LAMA2: variants seen among roughly 807,000 people sequenced by gnomAD.
The protein encoded by LAMA2 is laminin subunit alpha-2.
In LAMA2, 269 loss-of-function variants were observed where a neutral mutation model predicts 364.8. The observed-to-expected ratio is 0.74, with a 90% CI of 0.67 to 0.82. The LOEUF (loss-of-function observed/expected upper bound fraction) is 0.82, where lower values mean the gene tolerates loss of function less well. LAMA2 is among the 40% of genes least tolerant of loss of function. LAMA2 has a pLI of 0.00. For synonymous variants in LAMA2, 1,379 were observed against 1,370.6 expected (o/e 1.01, Z -0.14); for missense variants, 3,807 against 3,873.2 (o/e 0.98, Z 0.45).
At chr6:129,200,478 A>G (rs566889433) in intron 12 of LAMA2, among the ~76,000 whole-genome samples, 3 of 150,690 alleles carry the variant, frequency 2.0e-5, no homozygotes, top group Non-Finnish European at 4.4e-5. Context: ...ATATACATGT[A>G]TATATATGTG....
At chr6:129,333,179 A>G (rs1258940869) in intron 29 of LAMA2, among the ~76,000 whole-genome samples, 1 of 152,144 alleles carries the variant, frequency 6.6e-6, no homozygotes, top group East Asian at 1.9e-4. Flanking sequence ...GGCATGAACC[A>G]CCAAACCTGG....
At chr6:129,174,997 C>G (rs1380874403) in intron 9 of LAMA2, among the ~76,000 whole-genome samples, 1 of 152,088 alleles carries the variant, frequency 6.6e-6, no homozygotes, top group Non-Finnish European at 1.5e-5. Flanking sequence ...TACATTTAGC[C>G]TCAATTTCTG....
chr6:129,251,763 G>A (rs141180147), intron 13 of LAMA2, among the ~76,000 whole-genome samples: 2 of 151,942 alleles, frequency 1.3e-5, no homozygotes, highest in East Asian at 1.9e-4. Flanking sequence ...CAAAACCCCC[G>A]CCTCTTCTAC....
intron 29 of LAMA2, among the ~76,000 whole-genome samples, chr6:129,335,689 T>G (rs1775918082): frequency 6.6e-6 from 1 of 152,192 alleles, no homozygotes; most frequent in Admixed American, 6.6e-5. Flanking sequence ...TATTTTTTGT[T>G]TTGTAAACCT....
chr6:129,193,532 C>T (rs1326561143), intron 12 of LAMA2, among the ~76,000 whole-genome samples: 1 of 152,086 alleles, frequency 6.6e-6, no homozygotes, highest in African/African-American at 2.4e-5. Context: ...GATAGATATC[C>T]TGGGGTTTAG....
chr6:128,972,806 A>G (rs1782268722), intron 1 of LAMA2, among the ~76,000 whole-genome samples: 1 of 152,210 alleles, frequency 6.6e-6, no homozygotes, highest in Admixed American at 6.5e-5. Context: ...AGTAAAATAT[A>G]TTAGTAATAA....
chr6:128,895,854 A>T (rs1776740000), intron 1 of LAMA2, among the ~76,000 whole-genome samples: 1 of 152,132 alleles, frequency 6.6e-6, no homozygotes, highest in Non-Finnish European at 1.5e-5. Flanking sequence ...TAGCCTTTGA[A>T]GTTTTGTGAT....
rs758682648 is a variant in LAMA2 at position 129,192,787 on chromosome 6, G to A, written c.1716G>A (p.Ala572=). The change falls in exon 12 of 65, where the codon GCG becomes GCA. Residue 572 remains alanine (A), a synonymous_variant. Transcript: ENST00000421865. ...DSPQQISISN[A]EARQALPHSY... ...CTCAGCAGATCAGCATCAGTAACGC[G>A]GAGGCCCGGCAAGCCCTGCCGCACA... 12 of 1,614,148 alleles carry A rather than the reference G, an allele frequency of 7.4e-6. 1 individual carries two copies. The South Asian group carries it at 9.9e-5, about 13-fold the overall frequency.
chr6:129,448,287 C>CG (rs1554298841), intron 45 of LAMA2, among the ~76,000 whole-genome samples: 7 of 147,152 alleles, frequency 4.8e-5, no homozygotes, highest in African/African-American at 1.8e-4. Flanking sequence ...TGTCCCCCCC[C>CG]AAAAAAAAAG....
chr6:129,048,540 C>CCTTT (rs1308439018), intron 1 of LAMA2, among the ~76,000 whole-genome samples: 2,029 of 53,576 alleles, frequency 0.038, 244 homozygotes, highest in Middle Eastern at 0.13. Context: ...TTCCTTCCTT[C>CCTTT]CTTTCTTTCT....
At chr6:128,930,923 T>C (rs1048333086) in intron 1 of LAMA2, among the ~76,000 whole-genome samples, 12 of 152,206 alleles carry the variant, frequency 7.9e-5, no homozygotes, top group Non-Finnish European at 1.8e-4. Context: ...ACGTTCGCTT[T>C]TCTGTTCCTA....
chr6:129,088,844 A>G (rs1006373785), intron 3 of LAMA2, among the ~76,000 whole-genome samples: 1 of 150,952 alleles, frequency 6.6e-6, no homozygotes, highest in African/African-American at 2.4e-5. Flanking sequence ...GTAGCCAGGC[A>G]GAGGGGCTCC....
rs779235193 is a variant in LAMA2 at position 129,440,796 on chromosome 6, A to G, written c.6086-20A>G. 2.5e-6 allele frequency: 4 copies of G among 1,612,272 alleles called. No homozygotes were observed. In the African/African-American group the frequency reaches 4.0e-5, roughly 16 times the overall value. On this transcript the variant is annotated intron_variant, in intron 42 of 64. Coordinates refer to ENST00000421865, the MANE Select transcript of LAMA2 (RefSeq NM_000426.4). ...CTCCACACCCTTTGTTTTGTTTTTC[A>G]TACCCTCATCTGCTGACAGATACAG...
chr6:129,392,979 A>G, intron 36 of LAMA2, 66 bp from the exon 37 acceptor site: 7 of 1,232,600 alleles, frequency 5.7e-6, no homozygotes, highest in Non-Finnish European at 8.3e-6. Context: ...ACATGGTTTA[A>G]TACCAATAAA....
intron 3 of LAMA2, among the ~76,000 whole-genome samples, chr6:129,093,179 C>T (rs527517791): frequency 2.0e-4 from 30 of 151,314 alleles, no homozygotes; most frequent in African/African-American, 6.8e-4. Flanking sequence ...TTAGTAGAGA[C>T]GGAGTTTCAC....
chr6:129,152,894 A>G (rs554182565), intron 7 of LAMA2, among the ~76,000 whole-genome samples: 2 of 151,966 alleles, frequency 1.3e-5, no homozygotes, highest in East Asian at 3.9e-4. Context: ...TACTGTTAGT[A>G]AAAAGAACCG....
chr6:129,101,879 A>T (rs1287182622), intron 4 of LAMA2, among the ~76,000 whole-genome samples: 2 of 152,154 alleles, frequency 1.3e-5, no homozygotes, highest in African/African-American at 2.4e-5. Flanking sequence ...CCTCTGCTCT[A>T]TGATTCTAAT....
At position 129,165,624 on chromosome 6, in the gene LAMA2, A is replaced by T. The variant is rs746051487; in HGVS notation, c.1255A>T (p.Ile419Phe). ...RPCQPCHCDP[I>F]GSLNEVCVKD... ...ATGCCAGCCATGTCATTGCGATCCA[A>T]TTGGTTCCTTAAATGAAGTCTGTGT... The change falls in exon 9 of 65, where the codon ATT becomes TTT. Residue 419 changes from isoleucine to phenylalanine, a missense_variant. By Grantham distance (21) the Ile-to-Phe change is conservative. Around this residue, in one of 3 missense-constraint regions of LAMA2, gnomAD observed 3,333 missense variants for 3,345.7 expected, o/e 1.00. Coordinates refer to ENST00000421865, the MANE Select transcript of LAMA2 (RefSeq NM_000426.4). 1 of 1,613,484 alleles carries T rather than the reference A, an allele frequency of 6.2e-7. No homozygotes were observed.
chr6:129,097,857 C>G (rs188708118), intron 3 of LAMA2, among the ~76,000 whole-genome samples: 1 of 152,088 alleles, frequency 6.6e-6, no homozygotes, highest in Non-Finnish European at 1.5e-5. Flanking sequence ...TTGGTATGTA[C>G]TATTAATAAA....
Sources: allele counts gnomAD v4.1 joint callset (sites outside exome capture counted in the v4.1 genomes callset), GRCh38; gene constraint gnomAD v4.1.1; regional missense constraint gnomAD v4.1.1; transcripts MANE v1.5; gene names NCBI Gene and HGNC (gene_info 2026-07-23, HGNC 2026-07-21).